The following KIF5B variants were observed in gnomAD, a reference collection of about 807,000 sequenced individuals.
KIF5B encodes the protein kinesin family member 5B.
KIF5B carries 49 observed loss-of-function variants against 132.8 expected under a neutral mutation model. The ratio of observed to expected loss-of-function variants is 0.37; its 90% CI spans 0.29 to 0.47. The LOEUF (loss-of-function observed/expected upper bound fraction) is 0.47, where lower values mean the gene tolerates loss of function less well. Ranked by LOEUF, KIF5B falls within the 20% of genes least tolerant of loss-of-function variation. The probability of loss-of-function intolerance (pLI) is 1.00; values close to 1 mark genes in which losing one functional copy is unlikely to be tolerated. For synonymous variants in KIF5B, 355 were observed against 369.4 expected, an observed-to-expected ratio of 0.96 and a Z score of 0.45; for missense variants, 780 against 1,144.0, an observed-to-expected ratio of 0.68 and a Z score of 4.59.
At chr10:32,031,555 G>A (rs185659238) in intron 13 of KIF5B, among the ~76,000 whole-genome samples, 1 of 152,254 alleles carries the variant, frequency 6.6e-6, no homozygotes, top group African/African-American at 2.4e-5. Context: ...TAGAAGGTCA[G>A]AACCATAAGA....
rs558759624 is a variant in KIF5B at position 32,011,606 on chromosome 10, A to G, written c.*21-90T>C. 7.9e-5 allele frequency: 12 copies of G among 152,340 alleles called. No homozygotes were observed. The East Asian group carries it at 2.3e-3, about 29-fold the overall frequency. 9.4% of individuals were successfully genotyped at this position (152,340 alleles called of 1,614,324 possible). Reference sequence around the variant, plus strand: ...CATGAAGAATAAAACAAAATAAAATATGCCAACAGTTTATTATAAACATTT... The same window carrying G: ...CATGAAGAATAAAACAAAATAAAATGTGCCAACAGTTTATTATAAACATTT... On this transcript the variant is annotated intron_variant, in intron 25 of 25. Transcript: ENST00000302418.
In KIF5B at chr10:32,032,856, C is replaced by T. The variant is rs1392899889; in HGVS notation, c.1306-82G>A. On this transcript the variant is annotated intron_variant, in intron 12 of 25. Coordinates refer to ENST00000302418, the MANE Select transcript of KIF5B (RefSeq NM_004521.3). ...CCCAATACAGGTTATAAGATTACTA[C>T]TCCCCAGAAATATTTCAAAACCATT... 13 of 968,708 alleles carry T rather than the reference C, an allele frequency of 1.3e-5. No homozygotes were observed. The Admixed American group carries it at 1.6e-4, about 12-fold the overall frequency. The allele number at this position is 968,708 out of a possible 1,614,324, so 60.0% of individuals were successfully genotyped here. A position where few individuals can be genotyped will look rare whatever the true frequency, so the allele number is the denominator to read the frequency against.
chr10:32,036,626 T>C (rs1841462489), intron 8 of KIF5B, among the ~76,000 whole-genome samples: 1 of 152,142 alleles, frequency 6.6e-6, no homozygotes, highest in African/African-American at 2.4e-5. Context: ...AAATTAGCAA[T>C]GTTGGCTGAA....
In KIF5B at chr10:32,017,678, C is replaced by T. The variant is rs180847907; in HGVS notation, c.2545-319G>A. Among the ~76,000 whole-genome samples, 328 of 152,196 alleles carry T rather than the reference C, an allele frequency of 2.2e-3. 1 individual carries two copies. The highest frequency in any genetic ancestry group is 0.014 in the Middle Eastern group (4 of 294). On this transcript the variant is annotated intron_variant, in intron 23 of 25. Coordinates refer to ENST00000302418, the MANE Select transcript of KIF5B (RefSeq NM_004521.3). ...AACTAATCTGGTTAAATGAAAACTG[C>T]GTCATTATGTCTGACACACTGGGGT... is the stretch of plus-strand genomic sequence containing the variant.
chr10:32,026,468 C>T (rs1211826992), intron 15 of KIF5B, among the ~76,000 whole-genome samples: 3 of 99,968 alleles, frequency 3.0e-5, no homozygotes, highest in Non-Finnish European at 6.5e-5. Context: ...AAAAGTAACG[C>T]TCTAACAGAG....
intron 1 of KIF5B, among the ~76,000 whole-genome samples, chr10:32,054,917 A>C (rs1038614712): frequency 6.6e-6 from 1 of 150,840 alleles, no homozygotes; most frequent in African/African-American, 2.4e-5. Flanking sequence ...GTATCTCACT[A>C]TTCTTGGGAT....
chr10:32,055,719 C>A (rs1841753096), intron 1 of KIF5B, 129 bp downstream of exon 1: 1 of 1,305,886 alleles, frequency 7.7e-7, no homozygotes, highest in Admixed American at 2.4e-5. Context: ...TCTGAACCGG[C>A]AAACCCCGCC....
At chr10:32,038,342 C>A in intron 5 of KIF5B, 124 bp from the exon 6 acceptor site, 1 of 699,424 alleles carries the variant, frequency 1.4e-6, no homozygotes, top group Admixed American at 2.4e-5. Flanking sequence ...CATATTAAAA[C>A]ATTGCTCTAA....
At chr10:32,053,894 G>T (rs896959443) in intron 1 of KIF5B, among the ~76,000 whole-genome samples, 2 of 152,108 alleles carry the variant, frequency 1.3e-5, no homozygotes, top group Non-Finnish European at 2.9e-5. Context: ...TTTTGAAACG[G>T]AACTTATAAG....
intron 5 of KIF5B, among the ~76,000 whole-genome samples, 182 bp downstream of exon 5, chr10:32,038,596 C>T (rs953679677): frequency 3.3e-5 from 5 of 152,130 alleles, no homozygotes; most frequent in African/African-American, 9.7e-5. Flanking sequence ...CCATAAACAT[C>T]GCTTTAAACT....
chr10:32,020,460 G>A (rs557000006), intron 19 of KIF5B, among the ~76,000 whole-genome samples: 87 of 151,710 alleles, frequency 5.7e-4, no homozygotes, highest in African/African-American at 1.9e-3. Flanking sequence ...TCAGGGTCTC[G>A]CTCTGTCACC....
At chr10:32,038,940 A>G in intron 4 of KIF5B, 114 bp from the exon 5 acceptor site, 1 of 677,078 alleles carries the variant, frequency 1.5e-6, no homozygotes, top group Non-Finnish European at 2.6e-6. Flanking sequence ...TCAACATACC[A>G]GCCATAGCTC....
intron 1 of KIF5B, among the ~76,000 whole-genome samples, chr10:32,050,668 G>A (rs752064024): frequency 1.3e-5 from 2 of 152,236 alleles, no homozygotes; most frequent in African/African-American, 4.8e-5. Flanking sequence ...ATTACTGACA[G>A]ATACAAGAAG....
chr10:32,051,107 A>G (rs1290904324), intron 1 of KIF5B, among the ~76,000 whole-genome samples: 2 of 152,238 alleles, frequency 1.3e-5, no homozygotes, highest in Non-Finnish European at 2.9e-5. Context: ...ATACTAAGTT[A>G]AGTTATACAC....
chr10:32,029,381 T>C (rs1841371725), intron 14 of KIF5B, among the ~76,000 whole-genome samples: 1 of 152,222 alleles, frequency 6.6e-6, no homozygotes, highest in Admixed American at 6.5e-5. Flanking sequence ...GGGGCTTCTG[T>C]ATTTGTAATG....
chr10:32,052,458 C>T (rs1285344469), intron 1 of KIF5B, among the ~76,000 whole-genome samples: 3 of 152,214 alleles, frequency 2.0e-5, no homozygotes, highest in Non-Finnish European at 4.4e-5. Context: ...GGAACTACCA[C>T]AGCTTGTTTT....
At chr10:32,041,002 A>G (rs536814685) in intron 2 of KIF5B, among the ~76,000 whole-genome samples, 1 of 151,618 alleles carries the variant, frequency 6.6e-6, no homozygotes, top group East Asian at 1.9e-4. Flanking sequence ...AAAAAAAAAA[A>G]AAATTAGCTG....
chr10:32,046,722 C>T (rs1419821328), intron 2 of KIF5B, among the ~76,000 whole-genome samples: 1 of 152,176 alleles, frequency 6.6e-6, no homozygotes, highest in East Asian at 1.9e-4. Context: ...CTGGCCTTAT[C>T]CTTTCTTTAC....
At chr10:32,031,647 C>A (rs946549705) in intron 13 of KIF5B, among the ~76,000 whole-genome samples, 1 of 151,818 alleles carries the variant, frequency 6.6e-6, no homozygotes, top group Admixed American at 6.6e-5. Context: ...AGATCGACTG[C>A]AGTCACATGC....
Sources: allele counts gnomAD v4.1 joint callset (sites outside exome capture counted in the v4.1 genomes callset), GRCh38; gene constraint gnomAD v4.1.1; transcripts MANE v1.5; gene names NCBI Gene and HGNC (gene_info 2026-07-23, HGNC 2026-07-21).